Variants in TMEM132C observed in about 807,000 individuals in gnomAD.
The protein encoded by TMEM132C is protein phosphatase 1, regulatory subunit 152.
A neutral mutation model predicts 61.4 loss-of-function variants in TMEM132C; 29 were observed. That is an observed-to-expected ratio of 0.47 (90% CI 0.35 to 0.64). The LOEUF is 0.64. Ranked by LOEUF, TMEM132C falls within the 30% of genes least tolerant of loss-of-function variation. The probability of loss-of-function intolerance (pLI) is 0.00; values close to 1 mark genes in which losing one functional copy is unlikely to be tolerated. For synonymous variants in TMEM132C, 656 were observed against 633.1 expected, an observed-to-expected ratio of 1.04 and a Z score of -0.54; for missense variants, 1,408 against 1,476.9, an observed-to-expected ratio of 0.95 and a Z score of 0.76.
At chr12:128,531,058 G>A (rs544858544) in intron 2 of TMEM132C, among the ~76,000 whole-genome samples, 6 of 152,278 alleles carry the variant, frequency 3.9e-5, no homozygotes, top group Admixed American at 2.0e-4. Flanking sequence ...GGAATTGGGA[G>A]TTCTTGGGAG....
chr12:128,501,087 A>G (rs1279556787), intron 2 of TMEM132C, among the ~76,000 whole-genome samples: 1 of 152,172 alleles, frequency 6.6e-6, no homozygotes, highest in Non-Finnish European at 1.5e-5. Flanking sequence ...GACACAGAAG[A>G]CGAAATATTG....
At chr12:128,542,379 C>A (rs1287745377) in intron 2 of TMEM132C, among the ~76,000 whole-genome samples, 1 of 152,232 alleles carries the variant, frequency 6.6e-6, no homozygotes, top group East Asian at 1.9e-4. Flanking sequence ...GATCTCAGCT[C>A]GCTGCAACCT....
At chr12:128,453,259 G>A (rs767750517) in intron 2 of TMEM132C, among the ~76,000 whole-genome samples, 2 of 152,180 alleles carry the variant, frequency 1.3e-5, no homozygotes, top group African/African-American at 4.8e-5. Context: ...GGCCAGGCAG[G>A]GCTCAACTGG....
intron 4 of TMEM132C, among the ~76,000 whole-genome samples, chr12:128,657,327 A>G (rs879860861): frequency 6.6e-6 from 1 of 152,210 alleles, no homozygotes; most frequent in Non-Finnish European, 1.5e-5. Context: ...GTAAGTTAAT[A>G]TCTCAATATT....
At chr12:128,665,662 T>C in intron 4 of TMEM132C, among the ~76,000 whole-genome samples, 1 of 109,442 alleles carries the variant, frequency 9.1e-6, no homozygotes, top group East Asian at 3.2e-4. Flanking sequence ...CATGTACCCA[T>C]AAACACACAG....
intron 5 of TMEM132C, among the ~76,000 whole-genome samples, chr12:128,690,331 T>C (rs1319299471): frequency 6.6e-6 from 1 of 152,188 alleles, no homozygotes; most frequent in Non-Finnish European, 1.5e-5. Context: ...GGTTCCTTTT[T>C]GTAGATGAGT....
intron 1 of TMEM132C, among the ~76,000 whole-genome samples, chr12:128,393,263 G>A (rs775021061): frequency 6.6e-6 from 1 of 152,180 alleles, no homozygotes; most frequent in Non-Finnish European, 1.5e-5. Flanking sequence ...GCCGTCAAAT[G>A]TACATGAAGA....
At chr12:128,513,542 G>T (rs893642886) in intron 2 of TMEM132C, among the ~76,000 whole-genome samples, 1 of 152,116 alleles carries the variant, frequency 6.6e-6, no homozygotes, top group Non-Finnish European at 1.5e-5. Context: ...CATCTTGGAC[G>T]ATCTTTTACT....
rs1041385752 is a variant in TMEM132C, at chr12:128,415,703, G to A, written c.974+83G>A. 6.4e-6 allele frequency: 9 copies of A among 1,414,874 alleles called. No homozygotes were observed. Among genetic ancestry groups the A allele is most frequent in the Non-Finnish European group, 8.4e-6 (9 of 1,068,628 alleles). The allele number at this position is 1,414,874 out of a possible 1,614,324, so 87.6% of individuals were successfully genotyped here. ...CCATGCGTGGCAGATAGATATTCAG[G>A]AAGCATCGATTTTCACTACCTTCAG... On this transcript the variant is annotated intron_variant, in intron 2 of 8. Coordinates refer to ENST00000435159, the MANE Select transcript of TMEM132C (RefSeq NM_001136103.3). This position sits in a 1 kb window ranked among gnomAD's most constrained non-coding sequence, Gnocchi z 5.8.
At chr12:128,618,711 G>C (rs532017398) in intron 4 of TMEM132C, among the ~76,000 whole-genome samples, 2 of 152,156 alleles carry the variant, frequency 1.3e-5, no homozygotes, top group South Asian at 4.2e-4. Flanking sequence ...CTCTCTTCCC[G>C]TCGCCATGTA....
At chr12:128,472,891 G>C (rs890937713) in intron 2 of TMEM132C, among the ~76,000 whole-genome samples, 2 of 152,224 alleles carry the variant, frequency 1.3e-5, no homozygotes, top group African/African-American at 4.8e-5. Context: ...AAGTCTGGCA[G>C]TGCATTAATT....
At chr12:128,605,159 A>T (rs1005459150) in intron 3 of TMEM132C, among the ~76,000 whole-genome samples, 2 of 152,046 alleles carry the variant, frequency 1.3e-5, no homozygotes, top group African/African-American at 4.8e-5. Flanking sequence ...AGATACATAG[A>T]TAATGAGGAG....
chr12:128,657,506 G>T (rs952584186), intron 4 of TMEM132C, among the ~76,000 whole-genome samples: 1 of 152,094 alleles, frequency 6.6e-6, no homozygotes, highest in Non-Finnish European at 1.5e-5. Flanking sequence ...CTGCCATGGG[G>T]TGACACCGGG....
At chr12:128,270,681 C>G (rs1033691371) in intron 1 of TMEM132C, among the ~76,000 whole-genome samples, 2 of 152,236 alleles carry the variant, frequency 1.3e-5, no homozygotes, top group Non-Finnish European at 2.9e-5. Flanking sequence ...GTCCTGCATA[C>G]ACTTACATGT....
intron 2 of TMEM132C, among the ~76,000 whole-genome samples, chr12:128,478,700 C>T (rs369606161): frequency 3.8e-4 from 58 of 152,254 alleles, no homozygotes; most frequent in Non-Finnish European, 6.2e-4. Flanking sequence ...GCCACATTAC[C>T]GGAGGTACAG....
intron 2 of TMEM132C, among the ~76,000 whole-genome samples, chr12:128,528,354 G>C (rs1873166453): frequency 6.6e-6 from 1 of 152,176 alleles, no homozygotes; most frequent in East Asian, 1.9e-4. Context: ...CATCGTGCCA[G>C]TCTACATTCT....
chr12:128,456,130 G>C (rs965294809), intron 2 of TMEM132C, among the ~76,000 whole-genome samples: 2 of 152,032 alleles, frequency 1.3e-5, no homozygotes, highest in Non-Finnish European at 2.9e-5. Context: ...CCCTGCACCA[G>C]AGGGAGAATG....
intron 1 of TMEM132C, among the ~76,000 whole-genome samples, chr12:128,392,291 G>T (rs2136000880): frequency 6.6e-6 from 1 of 152,344 alleles, no homozygotes; most frequent in South Asian, 2.1e-4. Context: ...GAGTTTACAA[G>T]TGAGGAACTG....
At chr12:128,433,491 C>T (rs915595041) in intron 2 of TMEM132C, among the ~76,000 whole-genome samples, 67 of 152,250 alleles carry the variant, frequency 4.4e-4, no homozygotes, top group African/African-American at 1.5e-3. Flanking sequence ...AATTATCCTG[C>T]CTCAGTTTAC....
Sources: allele counts gnomAD v4.1 joint callset (sites outside exome capture counted in the v4.1 genomes callset), GRCh38; gene constraint gnomAD v4.1.1; non-coding constraint Gnocchi (gnomAD v3.1); transcripts MANE v1.5; gene names NCBI Gene and HGNC (gene_info 2026-07-23, HGNC 2026-07-21).